Variants in MTA3 observed in about 807,000 individuals in gnomAD.
The protein encoded by MTA3 is metastasis-associated protein MTA3.
MTA3 carries 34 observed loss-of-function variants against 83.5 expected under a neutral mutation model. That is an observed-to-expected ratio of 0.41 (90% CI 0.31 to 0.54). MTA3 has a LOEUF of 0.54. MTA3 is among the 20% of genes least tolerant of loss of function. The pLI, the probability that MTA3 is intolerant of heterozygous loss-of-function variation, is 0.33. For synonymous variants in MTA3, 303 were observed against 252.7 expected (o/e 1.20, Z -1.89); for missense variants, 761 against 726.4 (o/e 1.05, Z -0.55).
In MTA3 at chr2:42,700,121, G is replaced by A. The variant is rs566786592; in HGVS notation, c.1025+2287G>A. On this transcript the variant is annotated intron_variant, in intron 11 of 16. Transcript: ENST00000405094. The stretch of plus-strand genomic sequence containing the variant: ...ATGGAGATCATTGGTGATCTTATTG[G>A]CATGGTGAGCACTGCTGCATATGAG... 1.5e-4 allele frequency among the ~76,000 whole-genome samples: 23 copies of A among 152,038 alleles called. 1 individual carries two copies. In the South Asian group the frequency reaches 4.8e-3, roughly 32 times the overall value.
At chr2:42,667,588 G>A (rs1013345749) in intron 8 of MTA3, among the ~76,000 whole-genome samples, 4 of 130,262 alleles carry the variant, frequency 3.1e-5, no homozygotes, top group East Asian at 2.1e-4. Context: ...GTGTGTGTGT[G>A]TGTGTGTGTG....
Position 42,682,416 on chromosome 2 carries a change from A to G in MTA3, c.718A>G (p.Thr240Ala). 6.2e-7 allele frequency: 1 copy of G among 1,600,986 alleles called. No homozygotes were observed. The highest frequency in any genetic ancestry group is 8.5e-7 in the Non-Finnish European group (1 of 1,172,242). ...GTTTCTTTAGTTTCACGCTATGGAT[A>G]CATTGTATAGACACAGCTATGATTT... ...RDITLFHAMD[T>A]LYRHSYDLSS... The change falls in exon 9 of 17, where the codon ACA becomes GCA. Residue 240 changes from threonine (T) to alanine (A), a missense_variant. Physicochemically the swap from Thr to Ala is moderately conservative, Grantham distance 58. Transcript: ENST00000405094.
intron 14 of MTA3, among the ~76,000 whole-genome samples, chr2:42,712,302 AT>A (rs959221392): frequency 1.7e-4 from 25 of 148,552 alleles, no homozygotes; most frequent in South Asian, 2.1e-4. Context: ...ATATATAGGA[AT>A]TTTTTTTTTT....
intron 8 of MTA3, among the ~76,000 whole-genome samples, chr2:42,660,205 C>T (rs748731499): frequency 1.1e-4 from 16 of 152,134 alleles, no homozygotes; most frequent in African/African-American, 3.6e-4. Context: ...TCTCGTGCCT[C>T]AGCCTCCTGA....
intron 4 of MTA3, among the ~76,000 whole-genome samples, chr2:42,631,923 C>T (rs972841500): frequency 3.3e-5 from 5 of 152,076 alleles, no homozygotes; most frequent in African/African-American, 1.2e-4. Flanking sequence ...CTCCTGACCT[C>T]AGGTGACCCA....
chr2:42,551,420 A>C (rs1049826013), intron 2 of MTA3, among the ~76,000 whole-genome samples: 1 of 151,944 alleles, frequency 6.6e-6, no homozygotes, highest in African/African-American at 2.4e-5. Flanking sequence ...CGAACTCCTG[A>C]CCTGAGGTAA....
At chr2:42,606,702 T>G (rs906200889) in intron 3 of MTA3, among the ~76,000 whole-genome samples, 8 of 151,614 alleles carry the variant, frequency 5.3e-5, no homozygotes, top group Non-Finnish European at 1.2e-4. Flanking sequence ...GGCTGCAATC[T>G]CGGCACTTTG....
intron 4 of MTA3, among the ~76,000 whole-genome samples, chr2:42,633,445 G>T (rs561164236): frequency 6.6e-6 from 1 of 152,202 alleles, no homozygotes; most frequent in Non-Finnish European, 1.5e-5. Context: ...GGGGCCTGGT[G>T]GTTCATGCCT....
chr2:42,625,453 A>G lies in MTA3; in HGVS notation c.318-14720A>G, dbSNP rs1274294832. On this transcript the variant is annotated intron_variant, in intron 4 of 16. Coordinates refer to ENST00000405094, the MANE Select transcript of MTA3 (RefSeq NM_001330442.2). ...TTAATTTTGCCAATCATGTTTTAAA[A>G]TTTGTTTTATGGGCCGGGCACAGTG... Among the ~76,000 whole-genome samples, 2 of 151,030 alleles carry G rather than the reference A, an allele frequency of 1.3e-5. 1 individual carries two copies. The highest frequency in any genetic ancestry group is 4.9e-5 in the African/African-American group (2 of 40,778).
intron 2 of MTA3, among the ~76,000 whole-genome samples, chr2:42,523,911 T>C (rs1049945548): frequency 6.6e-6 from 1 of 151,948 alleles, no homozygotes; most frequent in Non-Finnish European, 1.5e-5. Flanking sequence ...AGCCAGACCC[T>C]GTTTCTAAAA....
chr2:42,639,057 TTC>T (rs1161947232), intron 4 of MTA3, among the ~76,000 whole-genome samples: 1 of 151,150 alleles, frequency 6.6e-6, no homozygotes, highest in Non-Finnish European at 1.5e-5. Context: ...CTTGCTTTCT[TTC>T]TTTCTTTTTT....
chr2:42,645,196 A>AG (rs1688061234), intron 6 of MTA3, among the ~76,000 whole-genome samples: 1 of 151,436 alleles, frequency 6.6e-6, no homozygotes, highest in Non-Finnish European at 1.5e-5. Context: ...AAAAAAAAAA[A>AG]AAGCTACACC....
intron 14 of MTA3, among the ~76,000 whole-genome samples, chr2:42,710,478 G>T (rs56385231): frequency 0.027 from 4,060 of 150,330 alleles, 68 homozygotes; most frequent in Non-Finnish European, 0.042. Context: ...TTTAAACCGG[G>T]AGGCAGAGGT....
chr2:42,593,093 C>T (rs967231806), intron 3 of MTA3, among the ~76,000 whole-genome samples: 3 of 151,514 alleles, frequency 2.0e-5, no homozygotes, highest in East Asian at 3.9e-4. Context: ...GTGGTGGTTG[C>T]AGTGAGCCGA....
intron 9 of MTA3, among the ~76,000 whole-genome samples, chr2:42,692,535 G>T (rs150663835): frequency 6.6e-6 from 1 of 150,676 alleles, no homozygotes; most frequent in African/African-American, 2.4e-5. Flanking sequence ...AGCAATTCTC[G>T]TGCCTCAGCC....
rs191992372 is a variant in MTA3, at chr2:42,603,045, G to T, written c.191-6413G>T. 3.7e-3 allele frequency among the ~76,000 whole-genome samples: 559 copies of T among 152,034 alleles called. 7 individuals carry two copies. Among genetic ancestry groups the T allele is most frequent in the African/African-American group, 0.013 (531 of 41,478 alleles). Reference sequence around the variant, plus strand: ...AATCCAGGATGGACTGTAATTCAGGGTAGGACTTTTATGGCTTCCTCATAG... The same window carrying T: ...AATCCAGGATGGACTGTAATTCAGGTTAGGACTTTTATGGCTTCCTCATAG... On this transcript the variant is annotated intron_variant, in intron 3 of 16. Coordinates refer to ENST00000405094, the MANE Select transcript of MTA3 (RefSeq NM_001330442.2).
chr2:42,586,322 C>T (rs900234657), intron 3 of MTA3, among the ~76,000 whole-genome samples: 12 of 149,816 alleles, frequency 8.0e-5, no homozygotes, highest in African/African-American at 1.5e-4. Flanking sequence ...CAGTGGCTTA[C>T]GCCTGTAATC....
At chr2:42,723,272 A>G in intron 16 of MTA3, 1 of 505,828 alleles carries the variant, frequency 2.0e-6, no homozygotes. Context: ...GTTTTTGGAG[A>G]TGAAATCTGT....
intron 8 of MTA3, among the ~76,000 whole-genome samples, chr2:42,674,297 A>G (rs900621829): frequency 2.0e-5 from 3 of 152,230 alleles, no homozygotes; most frequent in East Asian, 1.9e-4. Flanking sequence ...CAATAGTCCA[A>G]TCTACCCATA....
Sources: gnomAD v4.1 joint callset for allele counts (sites outside exome capture counted in the v4.1 genomes callset) on GRCh38, gnomAD v4.1.1 for gene constraint, MANE v1.5 for transcripts, NCBI Gene and HGNC (gene_info 2026-07-23, HGNC 2026-07-21) for gene names.